KMT2C: variants seen among roughly 807,000 people sequenced by gnomAD.
KMT2C encodes the protein lysine methyltransferase 2C.
Under a neutral mutation model 507.9 loss-of-function variants are expected in KMT2C, and 88 were observed. The ratio of observed to expected loss-of-function variants is 0.17; its 90% CI spans 0.15 to 0.21. The LOEUF is 0.21. Ranked by LOEUF, KMT2C falls within the 10% of genes least tolerant of loss-of-function variation. KMT2C has a pLI of 1.00. For missense variants in KMT2C, 4,954 were observed against 5,957.8 expected (o/e 0.83, Z 5.55); for synonymous variants, 2,049 against 2,080.8 (o/e 0.98, Z 0.42).
intron 2 of KMT2C, among the ~76,000 whole-genome samples, chr7:152,347,728 GTA>G (rs1327496945): frequency 1.3e-5 from 2 of 152,118 alleles, no homozygotes; most frequent in Non-Finnish European, 2.9e-5. Flanking sequence ...ATAGATTTGT[GTA>G]TATTTTATGG....
chr7:152,181,460 G>A lies in KMT2C; in HGVS notation c.6400C>T (p.Pro2134Ser), dbSNP rs758898574. ...RPTSQDPYSQ[P>S]PGTPRPVVDS... ...ACAACAGGTCGTGGAGTTCCTGGGG[G>A]TTGGGAGTATGGGTCCTGAGATGTT... The change falls in exon 36 of 59, where the codon CCC becomes TCC. Residue 2134 changes from proline to serine, a missense_variant. Coordinates refer to ENST00000262189, the MANE Select transcript of KMT2C (RefSeq NM_170606.3). 8 of 1,614,096 alleles carry A rather than the reference G, an allele frequency of 5.0e-6. No homozygotes were observed. Among genetic ancestry groups the A allele is most frequent in the South Asian group, 2.2e-5 (2 of 91,074 alleles).
intron 25 of KMT2C, among the ~76,000 whole-genome samples, chr7:152,204,373 T>A (rs1277512264): frequency 1.3e-5 from 2 of 152,098 alleles, no homozygotes; most frequent in Non-Finnish European, 2.9e-5. Context: ...GGCAGGAGGA[T>A]CGCTTGAGCA....
Position 152,176,525 on chromosome 7 carries a change from G to A in KMT2C, c.8928C>T (p.Val2976=), listed in dbSNP as rs2129113198. 1 of 1,614,170 alleles carries A rather than the reference G, an allele frequency of 6.2e-7. No individual in the cohort carries two copies. Among genetic ancestry groups the A allele is most frequent in the Non-Finnish European group, 8.5e-7 (1 of 1,180,032 alleles). The change falls in exon 38 of 59, where the codon GTC becomes GTT. Residue 2976 remains valine (V), a synonymous_variant. Coordinates refer to ENST00000262189, the MANE Select transcript of KMT2C (RefSeq NM_170606.3). ...DNAMNSNVTV[V]SRVNHVFSQG... Reference sequence around the variant, plus strand: ...GAGAAAAAACATGGTTTACCCTAGAGACTACTGTCACATTAGAATTCATGG... The same window carrying A: ...GAGAAAAAACATGGTTTACCCTAGAAACTACTGTCACATTAGAATTCATGG...
At chr7:152,303,656 T>A (rs1285625304) in intron 6 of KMT2C, among the ~76,000 whole-genome samples, 1 of 149,428 alleles carries the variant, frequency 6.7e-6, no homozygotes, top group Non-Finnish European at 1.5e-5. Context: ...AATAAAAAAC[T>A]CACACAAACA....
chr7:152,261,673 G>A (rs112273455), intron 9 of KMT2C, among the ~76,000 whole-genome samples: 2 of 152,160 alleles, frequency 1.3e-5, no homozygotes, highest in Non-Finnish European at 2.9e-5. Context: ...AGCTACAGCC[G>A]AAGGTAAACT....
rs1032168853 is a variant in KMT2C, at chr7:152,360,790, G to A, written c.162-2115C>T. ...CTTGAACCTGGGAGGCAGAAGTTGC[G>A]GTGAGCCGAGATTGCACCACTGCAC... On this transcript the variant is annotated intron_variant, in intron 1 of 58. Transcript: ENST00000262189. 1.4e-4 allele frequency among the ~76,000 whole-genome samples: 21 copies of A among 149,104 alleles called. No individual in the cohort carries two copies. In the East Asian group the frequency reaches 1.4e-3, roughly 10 times the overall value.
At chr7:152,349,274 C>T (rs758858593) in intron 2 of KMT2C, among the ~76,000 whole-genome samples, 2 of 151,936 alleles carry the variant, frequency 1.3e-5, no homozygotes, top group Non-Finnish European at 2.9e-5. Flanking sequence ...GGAGAAACCC[C>T]GTCTCTACTA....
intron 23 of KMT2C, among the ~76,000 whole-genome samples, chr7:152,218,783 T>A (rs1184434994): frequency 1.3e-5 from 2 of 152,098 alleles, no homozygotes; most frequent in South Asian, 2.1e-4. Flanking sequence ...TCTGTTGGTC[T>A]CCACAACACT....
In KMT2C at chr7:152,263,110, T is replaced by A. The variant is rs749516936; in HGVS notation, c.1205A>T (p.Lys402Met). The A allele has an allele frequency of 6.2e-7, 1 of 1,611,362 alleles. No homozygotes were observed. Among genetic ancestry groups the A allele is most frequent in the Non-Finnish European group, 8.5e-7 (1 of 1,179,602 alleles). The change falls in exon 9 of 59, where the codon AAG (lysine) becomes ATG (methionine). Residue 402 changes from lysine to methionine, a missense_variant. This residue lies in a region of KMT2C where 8 missense variants were observed against 27.5 expected (regional missense o/e 0.29). Coordinates refer to ENST00000262189, the MANE Select transcript of KMT2C (RefSeq NM_170606.3). ...QNCKQSGEDS[K>M]MLVCDTCDKG... is the part of the protein sequence containing the mutation. ...GTCACACGTATCACACACTAGCATC[T>A]TGCTATCTTCTCCCGATTGTCTAAA...
At chr7:152,292,755 T>C (rs2096448807) in intron 6 of KMT2C, among the ~76,000 whole-genome samples, 1 of 152,154 alleles carries the variant, frequency 6.6e-6, no homozygotes, top group Non-Finnish European at 1.5e-5. Context: ...AATTCCCTTT[T>C]TGTCTTCCCA....
chr7:152,278,062 C>T (rs2096119850), intron 6 of KMT2C, among the ~76,000 whole-genome samples: 2 of 151,694 alleles, frequency 1.3e-5, no homozygotes, highest in South Asian at 2.1e-4. Context: ...AAATGTAATC[C>T]CCAATGTTGG....
At chr7:152,396,902 T>C (rs988003947) in intron 1 of KMT2C, among the ~76,000 whole-genome samples, 4 of 152,180 alleles carry the variant, frequency 2.6e-5, no homozygotes, top group Non-Finnish European at 4.4e-5. Context: ...TAGGAATTTA[T>C]CTTCCAGAAT....
At chr7:152,386,550 A>G (rs2116510198) in intron 1 of KMT2C, among the ~76,000 whole-genome samples, 1 of 152,430 alleles carries the variant, frequency 6.6e-6, no homozygotes, top group East Asian at 1.9e-4. Context: ...AAATGTGGGC[A>G]AAAGTGAAAG....
At chr7:152,275,866 C>A (rs147904850) in intron 6 of KMT2C, among the ~76,000 whole-genome samples, 1 of 152,018 alleles carries the variant, frequency 6.6e-6, no homozygotes, top group Non-Finnish European at 1.5e-5. Flanking sequence ...ATTTTGATAC[C>A]ATATGGCAAG....
intron 1 of KMT2C, chr7:152,367,201 T>G: frequency 6.7e-7 from 1 of 1,494,520 alleles, no homozygotes; most frequent in East Asian, 2.4e-5. Flanking sequence ...GAGGAAGCTT[T>G]TCTACTCAGC....
At chr7:152,194,650 G>A (rs1302010245) in intron 28 of KMT2C, 82 bp from the exon 29 acceptor site, 1 of 980,960 alleles carries the variant, frequency 1.0e-6, no homozygotes, top group Non-Finnish European at 1.5e-6. Flanking sequence ...CCTGTACTTA[G>A]TATATAACAA....
chr7:152,367,766 G>A, intron 1 of KMT2C: 1 of 1,022,312 alleles, frequency 9.8e-7, no homozygotes, highest in South Asian at 1.3e-5. Flanking sequence ...GTAAATCTGA[G>A]GACTACCTAA....
intron 1 of KMT2C, among the ~76,000 whole-genome samples, chr7:152,415,472 G>A (rs555942297): frequency 2.6e-5 from 4 of 152,016 alleles, no homozygotes; most frequent in African/African-American, 9.6e-5. Flanking sequence ...AATTCTTAGA[G>A]CAAATATGTC....
intron 1 of KMT2C, among the ~76,000 whole-genome samples, chr7:152,395,331 G>A (rs1253581920): frequency 2.0e-5 from 3 of 151,284 alleles, no homozygotes; most frequent in Middle Eastern, 3.4e-3. Context: ...CTACAGGCAC[G>A]TGGCCGCACA....
Sources: allele counts gnomAD v4.1 joint callset (sites outside exome capture counted in the v4.1 genomes callset), GRCh38; gene constraint gnomAD v4.1.1; regional missense constraint gnomAD v4.1.1; transcripts MANE v1.5; gene names NCBI Gene and HGNC (gene_info 2026-07-23, HGNC 2026-07-21).